Variants in PEX14 observed in about 807,000 individuals in gnomAD.
PEX14 encodes the protein peroxisomal membrane protein PEX14.
In PEX14, 15 loss-of-function variants were observed where a neutral mutation model predicts 49.5. The observed-to-expected ratio is 0.30, with a 90% confidence interval of 0.20 to 0.47. The LOEUF (loss-of-function observed/expected upper bound fraction) is 0.47. Ranked by LOEUF, PEX14 falls within the 20% of genes least tolerant of loss-of-function variation. The pLI is 1.00. For missense variants in PEX14, 398 were observed against 494.8 expected (o/e 0.80, Z 1.86); for synonymous variants, 210 against 212.7 (o/e 0.99, Z 0.11).
rs1048364121 is a variant in PEX14, at chr1:10,597,085, C to G, written c.170-2153C>G. ...CCGGCCCTCAGGGCCACAGCACAGT[C>G]TGTAACTTACTGTATATTTCCCCAG... On this transcript the variant is annotated intron_variant, in intron 3 of 8. Coordinates refer to ENST00000356607, the MANE Select transcript of PEX14 (RefSeq NM_004565.3). The surrounding 1 kb of genome is among the most constrained non-coding windows in gnomAD (Gnocchi z 5.7). Among the ~76,000 whole-genome samples, 8 of 152,278 alleles carry G rather than the reference C, an allele frequency of 5.3e-5. No individual in the cohort carries two copies. The highest frequency in any genetic ancestry group is 1.9e-4 in the African/African-American group (8 of 41,484).
intron 4 of PEX14, among the ~76,000 whole-genome samples, chr1:10,617,595 G>A (rs2124631709): frequency 6.6e-6 from 1 of 152,038 alleles, no homozygotes; most frequent in South Asian, 2.1e-4. Flanking sequence ...GGCCCAGGGT[G>A]CTCACCTGGT....
chr1:10,591,635 CTGTGTGTGTGTGTGTGTGTGTGTG>C (rs61635531), intron 3 of PEX14, among the ~76,000 whole-genome samples: 3 of 139,648 alleles, frequency 2.1e-5, no homozygotes, highest in Non-Finnish European at 4.7e-5. Context: ...GGTATACACA[CTGTGTGTGTGTGTGTGTGTGTGTG>C]TGTGTGTGTG....
chr1:10,568,021 T>G (rs1483937864), intron 3 of PEX14, among the ~76,000 whole-genome samples: 2 of 152,238 alleles, frequency 1.3e-5, no homozygotes, highest in Non-Finnish European at 1.5e-5. Flanking sequence ...TTTTACATAC[T>G]GATTTTGAAT....
intron 3 of PEX14, among the ~76,000 whole-genome samples, chr1:10,582,996 C>G (rs1184522755): frequency 6.6e-6 from 1 of 151,902 alleles, no homozygotes; most frequent in East Asian, 2.0e-4. Context: ...CTCGGCCTCC[C>G]AAAGTGCTGG....
chr1:10,619,663 G>C (rs1641535388), intron 5 of PEX14, among the ~76,000 whole-genome samples: 1 of 152,118 alleles, frequency 6.6e-6, no homozygotes, highest in Admixed American at 6.5e-5. Flanking sequence ...GACTCGCCAT[G>C]GTCACTCTTA....
At chr1:10,506,910 G>A (rs1237758582) in intron 2 of PEX14, among the ~76,000 whole-genome samples, 1 of 152,220 alleles carries the variant, frequency 6.6e-6, no homozygotes, top group Non-Finnish European at 1.5e-5. Context: ...GTGACTGAAT[G>A]TTTATAGGTT....
intron 2 of PEX14, among the ~76,000 whole-genome samples, chr1:10,531,244 C>T (rs1168791631): frequency 6.6e-6 from 1 of 152,150 alleles, no homozygotes; most frequent in Middle Eastern, 3.2e-3. Flanking sequence ...CTAGCATCAG[C>T]GTTCTACGAT....
chr1:10,586,230 G>A (rs977144150), intron 3 of PEX14, among the ~76,000 whole-genome samples: 5 of 152,108 alleles, frequency 3.3e-5, no homozygotes, highest in African/African-American at 9.7e-5. Flanking sequence ...ATTCAGTCTC[G>A]GTCGTTGTCA....
intron 2 of PEX14, among the ~76,000 whole-genome samples, chr1:10,508,999 C>A (rs982263020): frequency 6.6e-6 from 1 of 151,422 alleles, no homozygotes; most frequent in Non-Finnish European, 1.5e-5. Flanking sequence ...TGCAGTGGTG[C>A]GATCTCGGCT....
chr1:10,534,712 C>T (rs1387467356), intron 2 of PEX14, among the ~76,000 whole-genome samples: 2 of 151,958 alleles, frequency 1.3e-5, no homozygotes, highest in Non-Finnish European at 1.5e-5. Context: ...ATAATCTGTG[C>T]GGAGCTGGGC....
chr1:10,592,645 A>G (rs889274973), intron 3 of PEX14, among the ~76,000 whole-genome samples: 3 of 152,190 alleles, frequency 2.0e-5, no homozygotes, highest in African/African-American at 7.2e-5. Context: ...TGTGTCTGAT[A>G]TAATTTAGGG....
At chr1:10,478,808 C>T (rs369741190) in intron 1 of PEX14, among the ~76,000 whole-genome samples, 67 of 150,768 alleles carry the variant, frequency 4.4e-4, no homozygotes, top group African/African-American at 1.6e-3. Context: ...TGCAGTGGTG[C>T]GATCTCAACT....
chr1:10,627,998 C>T (rs1385043162), intron 8 of PEX14, among the ~76,000 whole-genome samples: 13 of 152,052 alleles, frequency 8.5e-5, no homozygotes, highest in Non-Finnish European at 1.5e-4. Flanking sequence ...TGCAGTGGCA[C>T]GATCTCGGCT....
At chr1:10,510,252 T>C (rs147387840) in intron 2 of PEX14, among the ~76,000 whole-genome samples, 1 of 152,262 alleles carries the variant, frequency 6.6e-6, no homozygotes, top group Non-Finnish European at 1.5e-5. Flanking sequence ...CTCCTTGGCA[T>C]GTCTACAAAG....
In PEX14 at chr1:10,580,578, T is replaced by C. The variant is rs527417019; in HGVS notation, c.170-18660T>C. On this transcript the variant is annotated intron_variant, in intron 3 of 8. Transcript: ENST00000356607. Reference sequence around the variant, plus strand: ...TTCTTAATAAAATGTATTATCAATATAAACAATAATACAGTATAGTACATA... The same window carrying C: ...TTCTTAATAAAATGTATTATCAATACAAACAATAATACAGTATAGTACATA... Among the ~76,000 whole-genome samples the C allele has an allele frequency of 9.4e-4, 143 of 152,222 alleles. 1 individual carries two copies. Among genetic ancestry groups the C allele is most frequent in the African/African-American group, 3.2e-3 (134 of 41,542 alleles).
chr1:10,493,344 C>T (rs1570147148), intron 1 of PEX14, among the ~76,000 whole-genome samples: 1 of 152,088 alleles, frequency 6.6e-6, no homozygotes, highest in African/African-American at 2.4e-5. Flanking sequence ...AAAGCTGACG[C>T]AGTGGTCCAG....
At chr1:10,482,436 A>G (rs898667041) in intron 1 of PEX14, among the ~76,000 whole-genome samples, 1 of 136,116 alleles carries the variant, frequency 7.3e-6, no homozygotes, top group South Asian at 2.3e-4. Context: ...GGCCCATCTT[A>G]CTTTTTTTTT....
At chr1:10,589,110 TA>T (rs1640585012) in intron 3 of PEX14, among the ~76,000 whole-genome samples, 1 of 152,192 alleles carries the variant, frequency 6.6e-6, no homozygotes, top group Non-Finnish European at 1.5e-5. Context: ...AAATAATTGT[TA>T]AAAGTCCCTT....
chr1:10,571,559 A>G (rs1283058759), intron 3 of PEX14, among the ~76,000 whole-genome samples: 4 of 152,136 alleles, frequency 2.6e-5, no homozygotes, highest in Non-Finnish European at 5.9e-5. Context: ...CTAGAATCCC[A>G]GCACTTTGGG....
Sources: gnomAD v4.1 joint callset for allele counts (sites outside exome capture counted in the v4.1 genomes callset) on GRCh38, gnomAD v4.1.1 for gene constraint, Gnocchi (gnomAD v3.1) non-coding constraint, MANE v1.5 for transcripts, NCBI Gene and HGNC (gene_info 2026-07-23, HGNC 2026-07-21) for gene names.